CLYBL: variants seen among roughly 807,000 people sequenced by gnomAD.
CLYBL encodes the protein citramalyl-CoA lyase, also known as citramalyl-CoA lyase, mitochondrial.
A neutral mutation model predicts 38.9 loss-of-function variants in CLYBL; 31 were observed. The observed-to-expected ratio is 0.80, with a 90% CI of 0.60 to 1.08. The LOEUF (loss-of-function observed/expected upper bound fraction) is 1.08, where lower values mean the gene tolerates loss of function less well. Ranked by LOEUF, CLYBL falls within the 50% of genes least tolerant of loss-of-function variation. The pLI is 0.00. For synonymous variants in CLYBL, 171 were observed against 158.6 expected (o/e 1.08, Z -0.59); for missense variants, 434 against 411.6 (o/e 1.05, Z -0.47).
downstream of CLYBL, among the ~76,000 whole-genome samples, chr13:99,900,873 C>T (rs2052634303): frequency 1.3e-5 from 2 of 152,228 alleles, no homozygotes. Flanking sequence ...GAATTCATCA[C>T]AATTCAAACA....
intron 1 of CLYBL, among the ~76,000 whole-genome samples, chr13:99,709,499 T>C (rs1012757771): frequency 1.3e-5 from 2 of 152,204 alleles, no homozygotes; most frequent in Non-Finnish European, 2.9e-5. Context: ...TCAGCTTGTA[T>C]TCCTGTCCTT....
intron 1 of CLYBL, among the ~76,000 whole-genome samples, chr13:99,724,384 G>A (rs965587388): frequency 5.3e-5 from 8 of 151,980 alleles, no homozygotes; most frequent in African/African-American, 7.3e-5. Context: ...ATATTAAACC[G>A]AAGCGTGGAA....
chr13:99,656,748 G>A (rs2047336467), intron 1 of CLYBL, among the ~76,000 whole-genome samples: 1 of 152,152 alleles, frequency 6.6e-6, no homozygotes, highest in Non-Finnish European at 1.5e-5. Context: ...AAAATTATGG[G>A]TTGGTAAATT....
intron 3 of CLYBL, among the ~76,000 whole-genome samples, chr13:99,861,072 C>G (rs919676718): frequency 2.0e-5 from 3 of 152,144 alleles, no homozygotes; most frequent in South Asian, 4.1e-4. Flanking sequence ...GATTTCTCCC[C>G]CTTCTTCTCC....
intron 1 of CLYBL, among the ~76,000 whole-genome samples, chr13:99,742,073 A>G (rs1006818649): frequency 6.6e-6 from 1 of 152,332 alleles, no homozygotes; most frequent in Admixed American, 6.5e-5. Flanking sequence ...ACTTGCAATG[A>G]GACCCTGACA....
At chr13:99,776,223 A>T (rs1417505458) in intron 2 of CLYBL, among the ~76,000 whole-genome samples, 1 of 149,452 alleles carries the variant, frequency 6.7e-6, no homozygotes, top group African/African-American at 2.5e-5. Flanking sequence ...GGCCGGGTGC[A>T]GTGGCTCACA....
In CLYBL at chr13:99,891,397, C is replaced by G; in HGVS notation, c.1007C>G (p.Ser336Cys). 2 of 1,612,950 alleles carry G rather than the reference C, an allele frequency of 1.2e-6. No individual in the cohort carries two copies. Among genetic ancestry groups the G allele is most frequent in the African/African-American group, 2.7e-5 (2 of 74,994 alleles). Reference protein sequence around the residue: ...QAQNTVTLATSIKEK With the variant: ...QAQNTVTLATCIKEK Reference sequence around the variant, plus strand: ...CAGAACACTGTTACGCTTGCCACCTCCATCAAGGAAAAATGATCTGTTAAA... The same window carrying G: ...CAGAACACTGTTACGCTTGCCACCTGCATCAAGGAAAAATGATCTGTTAAA... The change falls in exon 8 of 9, where the codon TCC (serine) becomes TGC (cysteine). Residue 336 changes from serine (S) to cysteine (C), a missense_variant. By Grantham distance (112) the Ser-to-Cys change is moderately radical. Coordinates refer to ENST00000339105, the MANE Select transcript of CLYBL (RefSeq NM_206808.5).
At chr13:99,820,429 G>C (rs34667146) in intron 2 of CLYBL, among the ~76,000 whole-genome samples, 1 of 151,558 alleles carries the variant, frequency 6.6e-6, no homozygotes, top group Non-Finnish European at 1.5e-5. Context: ...TAACAGCCCA[G>C]CAATCAATGG....
intron 1 of CLYBL, chr13:99,690,854 A>G (rs1321656458): frequency 1.3e-5 from 2 of 152,254 alleles, no homozygotes; most frequent in African/African-American, 2.4e-5. Flanking sequence ...CTCAGGGGGA[A>G]AAAAGTTATT....
At chr13:99,897,940 CA>C (rs10635703), downstream of CLYBL, among the ~76,000 whole-genome samples, 1 of 149,692 alleles carries the variant, frequency 6.7e-6, no homozygotes, top group South Asian at 2.1e-4. Context: ...AATGCCGTCT[CA>C]AAAAAAAGAA....
intron 1 of CLYBL, among the ~76,000 whole-genome samples, chr13:99,676,150 C>T (rs2047641050): frequency 6.6e-6 from 1 of 150,872 alleles, no homozygotes; most frequent in Admixed American, 6.6e-5. Flanking sequence ...GCCACCACCC[C>T]TGGCCACAGA....
chr13:99,887,865 T>C (rs75257651), intron 7 of CLYBL, among the ~76,000 whole-genome samples: 89,583 of 151,438 alleles, frequency 0.59, 27,030 homozygotes, highest in African/African-American at 0.67. Flanking sequence ...GGGTTTTTTT[T>C]TTTTTTTTAG....
At chr13:99,687,055 G>T (rs1184719850) in intron 1 of CLYBL, among the ~76,000 whole-genome samples, 1 of 152,158 alleles carries the variant, frequency 6.6e-6, no homozygotes, top group Non-Finnish European at 1.5e-5. Flanking sequence ...CACCTGCCTT[G>T]CATAGATTAG....
chr13:99,886,977 T>A (rs528646781), intron 7 of CLYBL, among the ~76,000 whole-genome samples: 8 of 152,326 alleles, frequency 5.3e-5, no homozygotes, highest in African/African-American at 1.7e-4. Flanking sequence ...AAGTGGTGAC[T>A]AACCTAAGGA....
chr13:99,606,801 C>A, intron 1 of CLYBL, 44 bp downstream of exon 1: 1 of 1,351,342 alleles, frequency 7.4e-7, no homozygotes, highest in Non-Finnish European at 9.5e-7. Context: ...CCCGGCTCGC[C>A]GCGGGTCGGC....
chr13:99,699,160 C>T (rs534077273), intron 1 of CLYBL, among the ~76,000 whole-genome samples: 16 of 152,078 alleles, frequency 1.1e-4, no homozygotes, highest in South Asian at 2.1e-4. Context: ...CCGAGGTGAG[C>T]GGATCACCTG....
rs113210391 is a variant in CLYBL at position 99,667,705 on chromosome 13, C to CT, written c.62+60954dup. Among the ~76,000 whole-genome samples, 637 of 152,312 alleles carry CT rather than the reference C, an allele frequency of 4.2e-3. 9 individuals are homozygous for CT. The highest frequency in any genetic ancestry group is 0.015 in the African/African-American group (608 of 41,592). ...TATTATCTAAAAAACAAATCTCCTA[C>CT]TTTTTTGACTCAGATATTTCTAGTA... On this transcript the variant is annotated intron_variant, in intron 1 of 8. Transcript: ENST00000339105.
At chr13:99,606,970 A>G (rs2046535559) in intron 1 of CLYBL, among the ~76,000 whole-genome samples, 3 of 152,170 alleles carry the variant, frequency 2.0e-5, no homozygotes. Context: ...GCACCCGGAA[A>G]ATGGGTACAC....
chr13:99,623,194 T>A (rs1417664280), intron 1 of CLYBL, among the ~76,000 whole-genome samples: 1 of 152,246 alleles, frequency 6.6e-6, no homozygotes, highest in Non-Finnish European at 1.5e-5. Context: ...TTTTCCACAG[T>A]GGCTGCACCA....
Sources: gnomAD v4.1 joint callset for allele counts (sites outside exome capture counted in the v4.1 genomes callset) on GRCh38, gnomAD v4.1.1 for gene constraint, MANE v1.5 for transcripts, NCBI Gene and HGNC (gene_info 2026-07-23, HGNC 2026-07-21) for gene names.